Variants in FGL2 observed in about 807,000 individuals in gnomAD.
FGL2 encodes the protein fibroleukin.
FGL2 carries 21 observed loss-of-function variants against 36.0 expected under a neutral mutation model. The observed-to-expected ratio is 0.58, with a 90% confidence interval of 0.41 to 0.84. The LOEUF (loss-of-function observed/expected upper bound fraction) is 0.84, where lower values mean the gene tolerates loss of function less well. FGL2 is among the 40% of genes least tolerant of loss of function. FGL2 has a pLI of 0.00. For synonymous variants in FGL2, 183 were observed against 190.7 expected, an observed-to-expected ratio of 0.96 and a Z score of 0.33; for missense variants, 444 against 526.3, an observed-to-expected ratio of 0.84 and a Z score of 1.53.
rs1027070056 is a variant in FGL2 at position 77,196,217 on chromosome 7, A to G, written c.*62T>C. 2 of 1,212,176 alleles carry G rather than the reference A, an allele frequency of 1.6e-6. No individual in the cohort carries two copies. The highest frequency in any genetic ancestry group is 2.3e-6 in the Non-Finnish European group (2 of 859,082). 75.1% of individuals were successfully genotyped at this position (1,212,176 alleles called of 1,614,324 possible). Reference sequence around the variant, plus strand: ...AAATATGAAACAAGGCATATTCTAAAGTGCTGAAGGAATTAATTGCCCTAT... The same window carrying G: ...AAATATGAAACAAGGCATATTCTAAGGTGCTGAAGGAATTAATTGCCCTAT... On this transcript the variant is annotated 3_prime_UTR_variant, in exon 2 of 2. Transcript: ENST00000248598. The surrounding 1 kb of genome is among the most constrained non-coding windows in gnomAD (Gnocchi z 4.2).
Position 77,199,680 on chromosome 7 carries a change from G to A in FGL2, c.114C>T (p.Val38=). 1 of 1,614,188 alleles carries A rather than the reference G, an allele frequency of 6.2e-7. No homozygotes were observed. The change falls in exon 1 of 2, where the codon GTC becomes GTT. Residue 38 remains valine, a synonymous_variant. Coordinates refer to ENST00000248598, the MANE Select transcript of FGL2 (RefSeq NM_006682.3). ...CTCTGCTTTCTAGTCTCACTGGGCA[G>A]ACATCCTTTGCTCTTTCATCTTTAA... ...EEIKDERAKD[V]CPVRLESRGK... is the part of the protein sequence containing the mutation.
At position 77,195,385 on chromosome 7, in the gene FGL2, CCA is replaced by C. The variant is rs1258792230; in HGVS notation, c.*892_*893del. ...TGCTTTTTGGGGTGACATTATGCTA[CCA>C]CATTTTTAAACGGTTTAAATGACAA... is the stretch of plus-strand genomic sequence containing the variant. On this transcript the variant is annotated 3_prime_UTR_variant, in exon 2 of 2. Coordinates refer to ENST00000248598, the MANE Select transcript of FGL2 (RefSeq NM_006682.3). 2 of 152,102 alleles carry C rather than the reference CCA, an allele frequency of 1.3e-5. No individual in the cohort carries two copies. The highest frequency in any genetic ancestry group is 2.9e-5 in the Non-Finnish European group (2 of 68,012). 9.4% of individuals were successfully genotyped at this position (152,102 alleles called of 1,614,324 possible).
rs372005233 is a variant in FGL2, at chr7:77,199,067, TAAAAG to T, written c.613+109_613+113del. The T allele has an allele frequency of 1.7e-4, 152 of 911,444 alleles. No individual in the cohort carries two copies. The East Asian group carries it at 3.1e-3, about 19-fold the overall frequency. 56.5% of individuals were successfully genotyped at this position (911,444 alleles called of 1,614,324 possible). On this transcript the variant is annotated intron_variant, in intron 1 of 1. Coordinates refer to ENST00000248598, the MANE Select transcript of FGL2 (RefSeq NM_006682.3). ...ATTTTTTCCTGTGCACCTTGATAAA[TAAAAG>T]ACTTAATCTGTCATCTATTTAACTT...
At position 77,194,923 on chromosome 7, in the gene FGL2, T is replaced by A. The variant is rs1048105067; in HGVS notation, c.*1356A>T. 3.9e-5 allele frequency: 6 copies of A among 152,160 alleles called. No homozygotes were observed. The highest frequency in any genetic ancestry group is 1.4e-4 in the African/African-American group (6 of 41,460). The allele number at this position is 152,160 out of a possible 1,614,324, so 9.4% of individuals were successfully genotyped here. On this transcript the variant is annotated 3_prime_UTR_variant, in exon 2 of 2. Coordinates refer to ENST00000248598, the MANE Select transcript of FGL2 (RefSeq NM_006682.3). Reference sequence around the variant, plus strand: ...TATAAAAATTACAGATACTTCTGTTTGGGTAAAAATCTATCTTTTAGTTTC... The same window carrying A: ...TATAAAAATTACAGATACTTCTGTTAGGGTAAAAATCTATCTTTTAGTTTC...
Position 77,196,593 on chromosome 7 carries a change from T to C in FGL2, c.1006A>G (p.Asn336Asp). ...CGTAATGCATCTCCAGCTGTGCCAT[T>C]ATAGTTACCAACGTGTAAACGATAT... is the stretch of plus-strand genomic sequence containing the variant. ...LKYRLHVGNY[N>D]GTAGDALRFN... is the part of the protein sequence containing the mutation. The change falls in exon 2 of 2, where the codon AAT (asparagine) becomes GAT (aspartate). Residue 336 changes from asparagine (N) to aspartate (D), a missense_variant. Physicochemically the swap from Asn to Asp is conservative, Grantham distance 23. Coordinates refer to ENST00000248598, the MANE Select transcript of FGL2 (RefSeq NM_006682.3). The surrounding 1 kb of genome is among the most constrained non-coding windows in gnomAD (Gnocchi z 4.2). 1 of 1,614,186 alleles carries C rather than the reference T, an allele frequency of 6.2e-7. No homozygotes were observed. The highest frequency in any genetic ancestry group is 8.5e-7 in the Non-Finnish European group (1 of 1,180,002).
intron 1 of FGL2, chr7:77,198,128 G>A (rs891645816): frequency 4.1e-6 from 4 of 985,250 alleles, no homozygotes; most frequent in Non-Finnish European, 3.6e-6. Flanking sequence ...TCACCTAAGC[G>A]GTGAACCTTG....
At position 77,195,700 on chromosome 7, in the gene FGL2, A is replaced by G. The variant is rs1031796957; in HGVS notation, c.*579T>C. The G allele has an allele frequency of 2.6e-5, 4 of 152,232 alleles. No individual in the cohort carries two copies. Among genetic ancestry groups the G allele is most frequent in the African/African-American group, 9.7e-5 (4 of 41,444 alleles). 9.4% of individuals were successfully genotyped at this position (152,232 alleles called of 1,614,324 possible). On this transcript the variant is annotated 3_prime_UTR_variant, in exon 2 of 2. Transcript: ENST00000248598. ...TGAGACAGAGTTTTCTCTGTCACCC[A>G]TGCTGGAGTGCAGTGGCTCAGTCTT...
chr7:77,197,215 A>G (rs956613100), intron 1 of FGL2, among the ~76,000 whole-genome samples: 1 of 152,264 alleles, frequency 6.6e-6, no homozygotes, highest in African/African-American at 2.4e-5. Context: ...TAATAATGAC[A>G]GCATCAACAG....
Position 77,196,555 on chromosome 7 carries a change from A to G in FGL2, c.1044T>C (p.His348=). Residue 348 remains histidine (H), a synonymous_variant, in exon 2 of 2, where the codon CAT becomes CAC. Transcript: ENST00000248598. This position sits in a 1 kb window ranked among gnomAD's most constrained non-coding sequence, Gnocchi z 4.2. ...TGAAAAACTTCAGATCGTGGTTGTA[A>G]TGTTTGTTGAAACGTAATGCATCTC... is the stretch of plus-strand genomic sequence containing the variant. The part of the protein sequence containing the change: ...TAGDALRFNK[H]YNHDLKFFTT... 1 of 1,614,162 alleles carries G rather than the reference A, an allele frequency of 6.2e-7. No homozygotes were observed. The highest frequency in any genetic ancestry group is 8.5e-7 in the Non-Finnish European group (1 of 1,180,020).
chr7:77,195,172 C>CG lies in FGL2; in HGVS notation c.*1106_*1107insC, dbSNP rs1022264996. The CG allele has an allele frequency of 6.6e-6, 1 of 151,742 alleles. No individual in the cohort carries two copies. The highest frequency in any genetic ancestry group is 1.9e-4 in the East Asian group (1 of 5,172). The allele number at this position is 151,742 out of a possible 1,614,324, so 9.4% of individuals were successfully genotyped here. A position where few individuals can be genotyped will look rare whatever the true frequency, so the allele number is the denominator to read the frequency against. ...TACCCACATATCCCTACCCACCCCC[C>CG]CCAAAAAAACCTACCAGTAGTCTAG... On this transcript the variant is annotated 3_prime_UTR_variant, in exon 2 of 2. Transcript: ENST00000248598.
Position 77,196,681 on chromosome 7 carries a change from G to A in FGL2, c.918C>T (p.Asp306=). Residue 306 remains aspartate, a synonymous_variant, in exon 2 of 2, where the codon GAC becomes GAT. Transcript: ENST00000248598. This position sits in a 1 kb window ranked among gnomAD's most constrained non-coding sequence, Gnocchi z 4.2. ...KEMILRIDLE[D]FNGVELYALY... is the part of the protein sequence containing the mutation. Reference sequence around the variant, plus strand: ...AGGCATATAGTTCGACACCATTAAAGTCTTCAAGATCTATTCTCAGAATCA... The same window carrying A: ...AGGCATATAGTTCGACACCATTAAAATCTTCAAGATCTATTCTCAGAATCA... 1 of 1,614,202 alleles carries A rather than the reference G, an allele frequency of 6.2e-7. No individual in the cohort carries two copies. Among genetic ancestry groups the A allele is most frequent in the Non-Finnish European group, 8.5e-7 (1 of 1,180,002 alleles).
At position 77,199,334 on chromosome 7, in the gene FGL2, G is replaced by C; in HGVS notation, c.460C>G (p.Leu154Val). 6.2e-7 allele frequency: 1 copy of C among 1,614,076 alleles called. No homozygotes were observed. Among genetic ancestry groups the C allele is most frequent in the Admixed American group, 1.7e-5 (1 of 60,012 alleles). The change falls in exon 1 of 2, where the codon CTT becomes GTT. Residue 154 changes from leucine (L) to valine (V), a missense_variant. By Grantham distance (32) the Leu-to-Val change is conservative (BLOSUM62 1). Transcript: ENST00000248598. ...TTCAGCTTCTCCAGGCGACCATGAA[G>C]TACATTGATCTCCTCTTTGGCATTC... is the stretch of plus-strand genomic sequence containing the variant. ...LKNAKEEINV[L>V]HGRLEKLNLV...
chr7:77,198,062 C>T lies in FGL2; in HGVS notation c.614-1077G>A, dbSNP rs1791909142. 1.1e-5 allele frequency: 10 copies of T among 886,868 alleles called. No homozygotes were observed. The South Asian group carries it at 4.1e-4, about 37-fold the overall frequency. 54.9% of individuals were successfully genotyped at this position (886,868 alleles called of 1,614,324 possible). Reference sequence around the variant, plus strand: ...GTTTAGGAGAAAAATAGACAATAGTCTTCATATCATGACAAGTTGCCATGC... The same window carrying T: ...GTTTAGGAGAAAAATAGACAATAGTTTTCATATCATGACAAGTTGCCATGC... On this transcript the variant is annotated intron_variant, in intron 1 of 1. Coordinates refer to ENST00000248598, the MANE Select transcript of FGL2 (RefSeq NM_006682.3).
chr7:77,195,636 GA>G lies in FGL2; in HGVS notation c.*642del, dbSNP rs3093281. Reference sequence around the variant, plus strand: ...GCCCAAATACAGATTACTTTGTGTAGAATCCAGCCTACTGAATAAATTTTAT... The same window carrying G: ...GCCCAAATACAGATTACTTTGTGTAGATCCAGCCTACTGAATAAATTTTAT... On this transcript the variant is annotated 3_prime_UTR_variant, in exon 2 of 2. Transcript: ENST00000248598. 1.3e-3 allele frequency: 191 copies of G among 152,164 alleles called. No individual in the cohort carries two copies. The highest frequency in any genetic ancestry group is 4.5e-3 in the African/African-American group (185 of 41,524). 9.4% of individuals were successfully genotyped at this position (152,164 alleles called of 1,614,324 possible).
At position 77,195,626 on chromosome 7, in the gene FGL2, ACTTT is replaced by A. The variant is rs1439733668; in HGVS notation, c.*649_*652del. 6.6e-6 allele frequency: 1 copy of A among 152,126 alleles called. No individual in the cohort carries two copies. The highest frequency in any genetic ancestry group is 1.5e-5 in the Non-Finnish European group (1 of 68,020). The allele number at this position is 152,126 out of a possible 1,614,324, so 9.4% of individuals were successfully genotyped here. A position where few individuals can be genotyped will look rare whatever the true frequency, so the allele number is the denominator to read the frequency against. On this transcript the variant is annotated 3_prime_UTR_variant, in exon 2 of 2. Transcript: ENST00000248598. The stretch of plus-strand genomic sequence containing the variant: ...TTAAATCATGGCCCAAATACAGATT[ACTTT>A]GTGTAGAATCCAGCCTACTGAATAA...
At chr7:77,197,883 A>G (rs1417663090) in intron 1 of FGL2, among the ~76,000 whole-genome samples, 1 of 152,202 alleles carries the variant, frequency 6.6e-6, no homozygotes, top group Admixed American at 6.5e-5. Flanking sequence ...ATCAGTTAAC[A>G]AAGTTCTGTA....
chr7:77,196,834 C>T lies in FGL2; in HGVS notation c.765G>A (p.Gln255=), dbSNP rs777734007. The T allele has an allele frequency of 1.9e-6, 3 of 1,614,004 alleles. No individual in the cohort carries two copies. The highest frequency in any genetic ancestry group is 2.5e-6 in the Non-Finnish European group (3 of 1,179,998). The change falls in exon 2 of 2, where the codon CAG becomes CAA. Residue 255 remains glutamine, a synonymous_variant. Coordinates refer to ENST00000248598, the MANE Select transcript of FGL2 (RefSeq NM_006682.3). The surrounding 1 kb of genome is among the most constrained non-coding windows in gnomAD (Gnocchi z 4.2). ...AGTTGGTGCTCCCATCGAGACGTGC[C>T]TGCAGCACTGTCCAGCCTCCCCCCA... ...ETMGGGWTVL[Q]ARLDGSTNFT... is the part of the protein sequence containing the mutation.
rs1191305460 is a variant in FGL2, at chr7:77,196,262, G to A, written c.*17C>T. 9 of 1,580,768 alleles carry A rather than the reference G, an allele frequency of 5.7e-6. No individual in the cohort carries two copies. The highest frequency in any genetic ancestry group is 2.2e-5 in the East Asian group (1 of 44,564). ...CCCTATTAGATAACGAATACCTGGAGGAATGAACAGAGTGATTTATGGCTT... is the reference window on the plus strand; with the variant it reads ...CCCTATTAGATAACGAATACCTGGAAGAATGAACAGAGTGATTTATGGCTT... On this transcript the variant is annotated 3_prime_UTR_variant, in exon 2 of 2. Coordinates refer to ENST00000248598, the MANE Select transcript of FGL2 (RefSeq NM_006682.3). The surrounding 1 kb of genome is among the most constrained non-coding windows in gnomAD (Gnocchi z 4.2).
rs1344599826 is a variant in FGL2 at position 77,193,765 on chromosome 7, A to T, written c.*2514T>A. Reference sequence around the variant, plus strand: ...GGACCCAGTTTTAGTCAATATTTTCAAGTAATCATGACCTCAGAAATAGTC... The same window carrying T: ...GGACCCAGTTTTAGTCAATATTTTCTAGTAATCATGACCTCAGAAATAGTC... On this transcript the variant is annotated 3_prime_UTR_variant, in exon 2 of 2. Transcript: ENST00000248598. 2 of 152,412 alleles carry T rather than the reference A, an allele frequency of 1.3e-5. No individual in the cohort carries two copies. Among genetic ancestry groups the T allele is most frequent in the African/African-American group, 4.8e-5 (2 of 41,450 alleles). 9.4% of individuals were successfully genotyped at this position (152,412 alleles called of 1,614,324 possible).
Sources: allele counts gnomAD v4.1 joint callset (sites outside exome capture counted in the v4.1 genomes callset), GRCh38; gene constraint gnomAD v4.1.1; non-coding constraint Gnocchi (gnomAD v3.1); transcripts MANE v1.5; gene names NCBI Gene and HGNC (gene_info 2026-07-23, HGNC 2026-07-21).